Variants in BBS4 observed in about 807,000 individuals in gnomAD.
The protein encoded by BBS4 is BBSome complex member BBS4.
A neutral mutation model predicts 71.4 loss-of-function variants in BBS4; 58 were observed. The ratio of observed to expected loss-of-function variants is 0.81; its 90% CI spans 0.66 to 1.01. The LOEUF is 1.01. BBS4 is among the 50% of genes least tolerant of loss of function. BBS4 has a pLI of 0.00. For missense variants in BBS4, 660 were observed against 607.9 expected (o/e 1.09, Z -0.90); for synonymous variants, 228 against 216.8 (o/e 1.05, Z -0.46).
chr15:72,726,331 C>T (rs1174546403), intron 8 of BBS4, among the ~76,000 whole-genome samples: 4 of 152,002 alleles, frequency 2.6e-5, no homozygotes, highest in Admixed American at 6.5e-5. Flanking sequence ...AGGCTGGTCT[C>T]GAATTCCTGG....
chr15:72,702,844 G>C (rs1388796508), intron 2 of BBS4, among the ~76,000 whole-genome samples: 1 of 105,394 alleles, frequency 9.5e-6, no homozygotes, highest in Non-Finnish European at 1.8e-5. Context: ...GTCTCGCTCT[G>C]TCGCCCAGGC....
chr15:72,706,278 A>G (rs1326374042), intron 2 of BBS4, among the ~76,000 whole-genome samples: 1 of 152,040 alleles, frequency 6.6e-6, no homozygotes, highest in East Asian at 1.9e-4. Flanking sequence ...CTGGGATTAT[A>G]GGTGCCCGCC....
intron 14 of BBS4, among the ~76,000 whole-genome samples, chr15:72,736,405 C>G (rs2065925659): frequency 1.3e-5 from 2 of 152,046 alleles, no homozygotes; most frequent in South Asian, 4.1e-4. Flanking sequence ...CCACGCCCAG[C>G]TAATTTTTGT....
At chr15:72,695,032 T>C (rs981597352) in intron 1 of BBS4, 145 bp from the exon 2 acceptor site, 69 of 609,254 alleles carry the variant, frequency 1.1e-4, no homozygotes, top group Non-Finnish European at 1.8e-4. Flanking sequence ...TTAAACCATA[T>C]TTAAAGTAAC....
At chr15:72,720,021 C>T (rs909770273) in intron 6 of BBS4, among the ~76,000 whole-genome samples, 23 of 151,292 alleles carry the variant, frequency 1.5e-4, no homozygotes, top group Non-Finnish European at 3.1e-4. Flanking sequence ...AGTGCTGAGA[C>T]TACAGGTGTG....
chr15:72,695,720 T>C (rs746973817), intron 2 of BBS4, among the ~76,000 whole-genome samples: 13 of 152,240 alleles, frequency 8.5e-5, no homozygotes, highest in Non-Finnish European at 1.8e-4. Context: ...ATTAGGAGGT[T>C]GGTTTGACCT....
intron 2 of BBS4, among the ~76,000 whole-genome samples, chr15:72,706,146 C>CT (rs2065261042): frequency 6.6e-6 from 1 of 151,770 alleles, no homozygotes; most frequent in South Asian, 2.1e-4. Flanking sequence ...TATTTATTTA[C>CT]TTATTTTTGA....
In BBS4 at chr15:72,724,579, T is replaced by A. The variant is rs749322166; in HGVS notation, c.511T>A (p.Tyr171Asn). The stretch of plus-strand genomic sequence containing the variant: ...GAATCTTAATAGGCACGATCTGACT[T>A]ATATAATGCTGGGGAAGATCCACTT... Reference protein sequence around the residue: ...ALNLNRHDLTYIMLGKIHLLE... With the variant: ...ALNLNRHDLTNIMLGKIHLLE... The change falls in exon 8 of 16, where the codon TAT (tyrosine) becomes AAT (asparagine). Residue 171 changes from tyrosine (Y) to asparagine (N), a missense_variant. By Grantham distance (143) the Tyr-to-Asn change is moderately radical. Transcript: ENST00000268057. The A allele has an allele frequency of 2.5e-6, 4 of 1,614,104 alleles. No individual in the cohort carries two copies. The South Asian group carries it at 3.3e-5, about 13-fold the overall frequency.
At position 72,737,851 on chromosome 15, in the gene BBS4, C is replaced by G. The variant is rs531771611; in HGVS notation, c.*264C>G. On this transcript the variant is annotated 3_prime_UTR_variant, in exon 16 of 16. Transcript: ENST00000268057. Reference sequence around the variant, plus strand: ...AAGAACTGGCAGCAAGGCTTGAGGCCTTATGTATGTAGCTGAGTCAGCAAG... The same window carrying G: ...AAGAACTGGCAGCAAGGCTTGAGGCGTTATGTATGTAGCTGAGTCAGCAAG... 22 of 497,032 alleles carry G rather than the reference C, an allele frequency of 4.4e-5. No homozygotes were observed. The East Asian group carries it at 1.1e-3, about 26-fold the overall frequency. The allele number at this position is 497,032 out of a possible 1,614,324, so 30.8% of individuals were successfully genotyped here. A position where few individuals can be genotyped will look rare whatever the true frequency, so the allele number is the denominator to read the frequency against.
At chr15:72,732,296 C>G (rs1156879531) in intron 12 of BBS4, among the ~76,000 whole-genome samples, 4 of 152,164 alleles carry the variant, frequency 2.6e-5, no homozygotes, top group African/African-American at 7.2e-5. Flanking sequence ...ACCCTTATCT[C>G]TTCTGAGCAT....
At chr15:72,700,336 C>T (rs1273723159) in intron 2 of BBS4, among the ~76,000 whole-genome samples, 5 of 152,170 alleles carry the variant, frequency 3.3e-5, no homozygotes, top group Non-Finnish European at 7.3e-5. Context: ...CATATGTGAA[C>T]TGTTTGTTTT....
chr15:72,700,975 T>C (rs752861869), intron 2 of BBS4, among the ~76,000 whole-genome samples: 1 of 152,162 alleles, frequency 6.6e-6, no homozygotes, highest in Non-Finnish European at 1.5e-5. Flanking sequence ...TCTATTGAAA[T>C]ATATATACAG....
chr15:72,711,300 A>G (rs2065367094), intron 3 of BBS4, among the ~76,000 whole-genome samples: 1 of 151,686 alleles, frequency 6.6e-6, no homozygotes, highest in Non-Finnish European at 1.5e-5. Flanking sequence ...GGCATGTGCC[A>G]CCACGCCTGG....
At chr15:72,735,520 C>T (rs2065904433) in intron 13 of BBS4, 1 of 527,426 alleles carries the variant, frequency 1.9e-6, no homozygotes, top group African/African-American at 1.9e-5. Context: ...CTTGACTCTT[C>T]CAGGATTTAC....
chr15:72,695,318 C>A, intron 2 of BBS4, 90 bp downstream of exon 2: 1 of 890,508 alleles, frequency 1.1e-6, no homozygotes, highest in Non-Finnish European at 1.7e-6. Context: ...GAGGCAGAGT[C>A]TCACTGTCAC....
Position 72,716,867 on chromosome 15 carries a change from C to T in BBS4, c.405+17C>T, listed in dbSNP as rs80334351. On this transcript the variant is annotated intron_variant, in intron 6 of 15. Transcript: ENST00000268057. The stretch of plus-strand genomic sequence containing the variant: ...AAAGATTGGGTAAGTAGAGAACTTT[C>T]AGTTCTTTCTTATTAGTAAACTTGC... The T allele has an allele frequency of 0.029, 45,803 of 1,570,000 alleles. 1,090 individuals are homozygous for T. The highest frequency in any genetic ancestry group is 0.12 in the Admixed American group (7,036 of 59,208).
At chr15:72,696,549 T>C (rs1331428213) in intron 2 of BBS4, among the ~76,000 whole-genome samples, 1 of 152,180 alleles carries the variant, frequency 6.6e-6, no homozygotes, top group Non-Finnish European at 1.5e-5. Flanking sequence ...TTAATCTGTT[T>C]CTTTCTTCCT....
chr15:72,737,110 G>A, intron 15 of BBS4, 147 bp downstream of exon 15: 2 of 972,916 alleles, frequency 2.1e-6, no homozygotes, highest in Admixed American at 2.0e-5. Context: ...AACACAGGGT[G>A]GCTAAATTGG....
chr15:72,688,783 C>T (rs949480216), intron 1 of BBS4, among the ~76,000 whole-genome samples: 3 of 152,134 alleles, frequency 2.0e-5, no homozygotes, highest in Non-Finnish European at 4.4e-5. Flanking sequence ...TAAACATGAG[C>T]GTGTAGTACT....
Sources: gnomAD v4.1 joint callset for allele counts (sites outside exome capture counted in the v4.1 genomes callset) on GRCh38, gnomAD v4.1.1 for gene constraint, MANE v1.5 for transcripts, NCBI Gene and HGNC (gene_info 2026-07-23, HGNC 2026-07-21) for gene names.